Variants in CAAP1 observed in about 807,000 individuals in gnomAD.
CAAP1 encodes the protein caspase activity and apoptosis inhibitor 1.
Under a neutral mutation model 34.0 loss-of-function variants are expected in CAAP1, and 20 were observed. That is an observed-to-expected ratio of 0.59 (90% CI 0.41 to 0.86). The LOEUF (loss-of-function observed/expected upper bound fraction) is 0.86, where lower values mean the gene tolerates loss of function less well. Among genes scored for constraint, CAAP1 ranks in the 40% least tolerant of loss-of-function variants. The pLI, the probability that CAAP1 is intolerant of heterozygous loss-of-function variation, is 0.00. For synonymous variants in CAAP1, 213 were observed against 166.7 expected (o/e 1.28, Z -2.14); for missense variants, 538 against 450.5 (o/e 1.19, Z -1.76).
At chr9:26,862,543 A>G (rs1256985813) in intron 4 of CAAP1, among the ~76,000 whole-genome samples, 6 of 152,148 alleles carry the variant, frequency 3.9e-5, no homozygotes, top group Non-Finnish European at 8.8e-5. Flanking sequence ...AACCTGTATT[A>G]TGAAGAATCA....
At position 26,892,704 on chromosome 9, in the gene CAAP1, T is replaced by C. The variant is rs779563292; in HGVS notation, c.12A>G (p.Lys4=). 5.3e-5 allele frequency: 85 copies of C among 1,597,018 alleles called. 1 individual carries two copies. Among genetic ancestry groups the C allele is most frequent in the Middle Eastern group, 5.0e-4 (3 of 6,034 alleles). The stretch of plus-strand genomic sequence containing the variant: ...TGCGCCGTTTCTCCCGGGAGGACTT[T>C]TTCCCCGTCATGATCCCTCTGCTGC... The part of the protein sequence containing the change: MTG[K]KSSREKRRKR... Residue 4 remains lysine, a synonymous_variant, in exon 1 of 6, where the codon AAA becomes AAG. Transcript: ENST00000333916.
chr9:26,871,638 T>C (rs925555015), intron 4 of CAAP1, among the ~76,000 whole-genome samples: 2 of 149,180 alleles, frequency 1.3e-5, no homozygotes, highest in African/African-American at 2.5e-5. Context: ...GAAAAAGTAA[T>C]GCAGTCCAGG....
chr9:26,872,790 T>A (rs533820916), intron 4 of CAAP1, among the ~76,000 whole-genome samples: 7 of 152,180 alleles, frequency 4.6e-5, no homozygotes, highest in African/African-American at 1.7e-4. Flanking sequence ...TATTTAAATA[T>A]TCTCATGGAA....
intron 5 of CAAP1, among the ~76,000 whole-genome samples, chr9:26,851,931 A>G (rs549211636): frequency 6.6e-6 from 1 of 152,302 alleles, no homozygotes; most frequent in Admixed American, 6.5e-5. Flanking sequence ...CTCATTATCT[A>G]CTTCATAAAC....
At chr9:26,848,820 G>C (rs1461360364) in intron 5 of CAAP1, among the ~76,000 whole-genome samples, 2 of 152,106 alleles carry the variant, frequency 1.3e-5, no homozygotes, top group Non-Finnish European at 2.9e-5. Context: ...AGTGTTGGCT[G>C]TTCTATTTAG....
intron 1 of CAAP1, among the ~76,000 whole-genome samples, chr9:26,888,287 C>G (rs1823803757): frequency 6.6e-6 from 1 of 152,202 alleles, no homozygotes; most frequent in Non-Finnish European, 1.5e-5. Flanking sequence ...GGCCTTCATG[C>G]TCATTCTTTG....
At chr9:26,847,586 T>C (rs1822647379) in intron 5 of CAAP1, among the ~76,000 whole-genome samples, 1 of 152,182 alleles carries the variant, frequency 6.6e-6, no homozygotes, top group South Asian at 2.1e-4. Flanking sequence ...ACGTGTGTAT[T>C]GCCTTCTGTA....
chr9:26,863,646 A>G (rs530784549), intron 4 of CAAP1, among the ~76,000 whole-genome samples: 1 of 152,196 alleles, frequency 6.6e-6, no homozygotes, highest in South Asian at 2.1e-4. Flanking sequence ...TTTCTATCAA[A>G]CACTTTAAGG....
intron 4 of CAAP1, among the ~76,000 whole-genome samples, chr9:26,865,326 C>G (rs1665742701): frequency 6.6e-6 from 1 of 152,002 alleles, no homozygotes; most frequent in Non-Finnish European, 1.5e-5. Flanking sequence ...GAGTTTGAGA[C>G]CAGCCTGACC....
At chr9:26,873,762 ATGT>A (rs1387542666) in intron 4 of CAAP1, among the ~76,000 whole-genome samples, 1 of 152,238 alleles carries the variant, frequency 6.6e-6, no homozygotes, top group African/African-American at 2.4e-5. Context: ...ACTTTTACAA[ATGT>A]TGTCACAATT....
At chr9:26,862,422 A>G (rs1343325261) in intron 4 of CAAP1, among the ~76,000 whole-genome samples, 1 of 152,092 alleles carries the variant, frequency 6.6e-6, no homozygotes, top group South Asian at 2.1e-4. Context: ...TTACAAAAAA[A>G]AAAAGACTTC....
intron 5 of CAAP1, among the ~76,000 whole-genome samples, chr9:26,857,634 A>G (rs1217136487): frequency 6.6e-6 from 1 of 152,174 alleles, no homozygotes; most frequent in Admixed American, 6.5e-5. Flanking sequence ...AACAAAAACA[A>G]AAACAAAAAA....
chr9:26,889,164 C>G (rs890546343), intron 1 of CAAP1, among the ~76,000 whole-genome samples: 1 of 152,190 alleles, frequency 6.6e-6, no homozygotes, highest in African/African-American at 2.4e-5. Context: ...CGCCTGTAAT[C>G]CCAGCAATTT....
chr9:26,869,451 C>G (rs1166725830), intron 4 of CAAP1, among the ~76,000 whole-genome samples: 1 of 152,050 alleles, frequency 6.6e-6, no homozygotes, highest in Non-Finnish European at 1.5e-5. Flanking sequence ...TCATTCTACT[C>G]ACATAAACCA....
At position 26,883,040 on chromosome 9, in the gene CAAP1, C is replaced by T. The variant is rs1823635908; in HGVS notation, c.665+1770G>A. ...ACTAACTTGCTTTTGATTTTACAGGCTCATAGGCGGAAGGGACTTGCCTTG... is the reference window on the plus strand; with the variant it reads ...ACTAACTTGCTTTTGATTTTACAGGTTCATAGGCGGAAGGGACTTGCCTTG... On this transcript the variant is annotated intron_variant, in intron 4 of 5. Coordinates refer to ENST00000333916, the MANE Select transcript of CAAP1 (RefSeq NM_024828.4). 3.3e-5 allele frequency among the ~76,000 whole-genome samples: 5 copies of T among 152,132 alleles called. No individual in the cohort carries two copies. In the South Asian group the frequency reaches 1.0e-3, roughly 32 times the overall value.
chr9:26,883,679 C>T (rs920222006), intron 4 of CAAP1, among the ~76,000 whole-genome samples: 14 of 152,110 alleles, frequency 9.2e-5, no homozygotes, highest in Non-Finnish European at 1.9e-4. Flanking sequence ...CTGTAAGTAG[C>T]ATCAAGAAAC....
rs1388974857 is a variant in CAAP1, at chr9:26,855,776, C to T, written c.739+5290G>A. On this transcript the variant is annotated intron_variant, in intron 5 of 5. Coordinates refer to ENST00000333916, the MANE Select transcript of CAAP1 (RefSeq NM_024828.4). The stretch of plus-strand genomic sequence containing the variant: ...TACTGTCTTTCCTTTGGTAGGAGCA[C>T]TTTGGTAAAGAGCTGCTTTCCCTAA... Among the ~76,000 whole-genome samples the T allele has an allele frequency of 2.0e-5, 3 of 152,090 alleles. No homozygotes were observed. The East Asian group carries it at 5.8e-4, about 29-fold the overall frequency.
intron 4 of CAAP1, among the ~76,000 whole-genome samples, chr9:26,880,931 C>A (rs924701336): frequency 2.6e-5 from 4 of 152,192 alleles, no homozygotes; most frequent in Non-Finnish European, 5.9e-5. Context: ...CCACCTTAGT[C>A]TTCCAAAGTG....
chr9:26,884,981 G>T, intron 3 of CAAP1, 96 bp from the exon 4 acceptor site: 4 of 869,866 alleles, frequency 4.6e-6, no homozygotes, highest in East Asian at 2.9e-5. Flanking sequence ...AAGTGATGCA[G>T]ATTAAAGAAC....
Sources: gnomAD v4.1 joint callset for allele counts (sites outside exome capture counted in the v4.1 genomes callset) on GRCh38, gnomAD v4.1.1 for gene constraint, MANE v1.5 for transcripts, NCBI Gene and HGNC (gene_info 2026-07-23, HGNC 2026-07-21) for gene names.